The following FANCL variants were observed in gnomAD, a reference collection of about 807,000 sequenced individuals.
FANCL encodes E3 ubiquitin-protein ligase FANCL.
Under a neutral mutation model 59.4 loss-of-function variants are expected in FANCL, and 69 were observed. The observed-to-expected ratio is 1.16, with a 90% CI of 0.96 to 1.42. The LOEUF (loss-of-function observed/expected upper bound fraction) is 1.42. Among genes scored for constraint, FANCL ranks in the 40% most tolerant of loss-of-function variants. FANCL has a pLI of 0.00. For synonymous variants in FANCL, 180 were observed against 147.1 expected (o/e 1.22, Z -1.62); for missense variants, 519 against 447.2 (o/e 1.16, Z -1.45).
intron 7 of FANCL, among the ~76,000 whole-genome samples, chr2:58,185,833 A>G (rs3755296): frequency 0.078 from 11,945 of 152,210 alleles, 627 homozygotes; most frequent in East Asian, 0.2. Context: ...AGGGAATATA[A>G]TTTTAGTCAA....
intron 7 of FANCL, among the ~76,000 whole-genome samples, chr2:58,171,102 T>C (rs1194804924): frequency 6.6e-6 from 1 of 152,134 alleles, no homozygotes; most frequent in Admixed American, 6.5e-5. Flanking sequence ...CACACTTCTT[T>C]TAAAACTGAT....
Position 58,161,638 on chromosome 2 carries a change from C to T in FANCL, c.904G>A (p.Asp302Asn). 4 of 1,593,210 alleles carry T rather than the reference C, an allele frequency of 2.5e-6. No individual in the cohort carries two copies. Among genetic ancestry groups the T allele is most frequent in the Non-Finnish European group, 3.4e-6 (4 of 1,161,766 alleles). The part of the protein sequence containing the change: ...FPARAILEKS[D>N]FTMDCGICYA... ...CAAATTCCACAATCCATAGTAAAAT[C>T]CTTCAAAAGAAAAATATTTATAAAA... The change falls in exon 12 of 14, where the codon GAT (aspartate) becomes AAT (asparagine). Residue 302 changes from aspartate to asparagine, a missense_variant and splice_region_variant. Asp to Asn is a conservative substitution (Grantham distance 23, BLOSUM62 1). Coordinates refer to ENST00000233741, the MANE Select transcript of FANCL (RefSeq NM_018062.4).
At chr2:58,163,615 G>T in intron 8 of FANCL, 98 bp from the exon 9 acceptor site, 1 of 733,892 alleles carries the variant, frequency 1.4e-6, no homozygotes, top group Middle Eastern at 2.8e-4. Context: ...CTATTTCACT[G>T]TATACCCACG....
chr2:58,194,859 G>C (rs1364392348), intron 7 of FANCL, among the ~76,000 whole-genome samples: 1 of 151,368 alleles, frequency 6.6e-6, no homozygotes, highest in Non-Finnish European at 1.5e-5. Context: ...CCAGCAGGAA[G>C]ACAGGGACCA....
At chr2:58,183,775 T>C (rs979167880) in intron 7 of FANCL, among the ~76,000 whole-genome samples, 1 of 151,920 alleles carries the variant, frequency 6.6e-6, no homozygotes, top group African/African-American at 2.4e-5. Flanking sequence ...GCTCACAGTA[T>C]AGCAAAAAAA....
At chr2:58,229,977 A>G in intron 2 of FANCL, 103 bp from the exon 3 acceptor site, 2 of 827,036 alleles carry the variant, frequency 2.4e-6, no homozygotes, top group Admixed American at 2.0e-5. Context: ...AATGACAAAC[A>G]TAATTTGGAC....
chr2:58,163,662 G>A, intron 8 of FANCL, 145 bp from the exon 9 acceptor site: 14 of 618,082 alleles, frequency 2.3e-5, no homozygotes, highest in South Asian at 9.8e-5. Flanking sequence ...TTTATGTAAT[G>A]GTAAATATAA....
intron 1 of FANCL, among the ~76,000 whole-genome samples, chr2:58,234,606 C>T (rs1469365784): frequency 2.0e-5 from 3 of 151,862 alleles, no homozygotes; most frequent in African/African-American, 7.2e-5. Flanking sequence ...TCCAAGTACA[C>T]TTCCTGGAGT....
At chr2:58,226,597 G>A in intron 4 of FANCL, 131 bp downstream of exon 4, 1 of 729,122 alleles carries the variant, frequency 1.4e-6, no homozygotes. Context: ...TATGTACACA[G>A]TAAAAGAAAA....
chr2:58,180,490 A>G (rs1164507654), intron 7 of FANCL, among the ~76,000 whole-genome samples: 1 of 152,120 alleles, frequency 6.6e-6, no homozygotes, highest in Non-Finnish European at 1.5e-5. Flanking sequence ...TCTCACTCAT[A>G]AGCTGGAGTT....
Position 58,229,887 on chromosome 2 carries a change from T to A in FANCL, c.156-13A>T, listed in dbSNP as rs776750454. 4.4e-6 allele frequency: 7 copies of A among 1,582,878 alleles called. No homozygotes were observed. In the Admixed American group the frequency reaches 5.0e-5, roughly 11 times the overall value. On this transcript the variant is annotated splice_polypyrimidine_tract_variant and intron_variant, in intron 2 of 13. Coordinates refer to ENST00000233741, the MANE Select transcript of FANCL (RefSeq NM_018062.4). ...ACTACATAATAATCTAAAATTTTAA[T>A]GAGACAAAATGGTTTATTCATTGTT...
rs199852217 is a variant in FANCL at position 58,194,005 on chromosome 2, C to CATATCCTTTAA, written c.540+4588_540+4589insTTAAAGGATAT. Reference sequence around the variant, plus strand: ...TAATGCTCCCTGCTATGTAATAGGACTGACTCCTTTAATTACAAATTCTTC... The same window carrying CATATCCTTTAA: ...TAATGCTCCCTGCTATGTAATAGGACATATCCTTTAATGACTCCTTTAATTACAAATTCTTC... On this transcript the variant is annotated intron_variant, in intron 7 of 13. Coordinates refer to ENST00000233741, the MANE Select transcript of FANCL (RefSeq NM_018062.4). 5.8e-3 allele frequency among the ~76,000 whole-genome samples: 887 copies of CATATCCTTTAA among 152,270 alleles called. 10 individuals are homozygous for CATATCCTTTAA. The highest frequency in any genetic ancestry group is 0.02 in the African/African-American group (837 of 41,552).
chr2:58,226,645 A>G, intron 4 of FANCL, 83 bp downstream of exon 4: 1 of 969,388 alleles, frequency 1.0e-6, no homozygotes. Context: ...AAATTCTAAT[A>G]ATGTCAGTTT....
At chr2:58,222,893 A>C (rs1692622753) in intron 4 of FANCL, among the ~76,000 whole-genome samples, 4 of 152,038 alleles carry the variant, frequency 2.6e-5, no homozygotes, top group Admixed American at 2.6e-4. Context: ...TAACGAAAGT[A>C]GATAGGGACA....
At chr2:58,196,344 T>G (rs1689423491) in intron 7 of FANCL, among the ~76,000 whole-genome samples, 1 of 152,044 alleles carries the variant, frequency 6.6e-6, no homozygotes. Flanking sequence ...GAACCAAAAG[T>G]GACAAAATAT....
chr2:58,163,465 A>T lies in FANCL; in HGVS notation c.744T>A (p.Leu248=). The change falls in exon 9 of 14, where the codon CTT becomes CTA. Residue 248 remains leucine (L), a synonymous_variant. Transcript: ENST00000233741. ...CAGCTCCAAGAAAGAAGCACTCAGG[A>T]AGCATAGTAGGATGCCTGGGGTCTA... The part of the protein sequence containing the change: ...IEVDPRHPTM[L]PECFFLGADH... 6.2e-7 allele frequency: 1 copy of T among 1,611,250 alleles called. No individual in the cohort carries two copies. The highest frequency in any genetic ancestry group is 8.5e-7 in the Non-Finnish European group (1 of 1,177,608).
intron 7 of FANCL, among the ~76,000 whole-genome samples, chr2:58,174,991 G>T (rs150218524): frequency 0.12 from 17,662 of 152,046 alleles, 1,348 homozygotes; most frequent in African/African-American, 0.21. Flanking sequence ...TACCATCAGA[G>T]AATACTATAA....
At chr2:58,165,137 T>C (rs1370134369) in intron 8 of FANCL, among the ~76,000 whole-genome samples, 1 of 152,152 alleles carries the variant, frequency 6.6e-6, no homozygotes, top group Admixed American at 6.5e-5. Context: ...ATAATGAAAA[T>C]ACACAGCCAT....
chr2:58,170,939 C>T (rs1027988579), intron 7 of FANCL, among the ~76,000 whole-genome samples: 1 of 151,982 alleles, frequency 6.6e-6, no homozygotes, highest in Non-Finnish European at 1.5e-5. Context: ...GACTGTAACA[C>T]CCCCACTGTC....
Sources: gnomAD v4.1 joint callset for allele counts (sites outside exome capture counted in the v4.1 genomes callset) on GRCh38, gnomAD v4.1.1 for gene constraint, MANE v1.5 for transcripts, NCBI Gene and HGNC (gene_info 2026-07-23, HGNC 2026-07-21) for gene names.